Variants in DENND1A observed in about 807,000 individuals in gnomAD.
DENND1A encodes DENN domain-containing protein 1A.
DENND1A carries 51 observed loss-of-function variants against 113.7 expected under a neutral mutation model. The observed-to-expected ratio is 0.45, with a 90% CI of 0.36 to 0.57. DENND1A has a LOEUF of 0.57. DENND1A is among the 20% of genes least tolerant of loss of function. DENND1A has a pLI of 0.00. For missense variants in DENND1A, 1,258 were observed against 1,395.9 expected, an observed-to-expected ratio of 0.90 and a Z score of 1.57; for synonymous variants, 565 against 570.8, an observed-to-expected ratio of 0.99 and a Z score of 0.14.
chr9:123,426,797 G>A (rs2045766939), intron 19 of DENND1A, among the ~76,000 whole-genome samples: 1 of 152,160 alleles, frequency 6.6e-6, no homozygotes, highest in Non-Finnish European at 1.5e-5. Flanking sequence ...AAGCAAGTGG[G>A]GACGCCTGGA....
intron 19 of DENND1A, among the ~76,000 whole-genome samples, chr9:123,424,103 T>C (rs1440772843): frequency 6.6e-6 from 1 of 152,126 alleles, no homozygotes; most frequent in Non-Finnish European, 1.5e-5. Context: ...AGGTGGTTGG[T>C]AGACAGCCCT....
rs537975986 is a variant in DENND1A, at chr9:123,388,359, C to T, written c.1632-501G>A. Among the ~76,000 whole-genome samples the T allele has an allele frequency of 3.1e-4, 47 of 152,256 alleles. 1 individual carries two copies. The highest frequency in any genetic ancestry group is 2.1e-3 in the South Asian group (10 of 4,830). Reference sequence around the variant, plus strand: ...AAGACTGGAAAGGTTCATGGCTAAACGTCAATAACAGCCAGTGGAATCATG... The same window carrying T: ...AAGACTGGAAAGGTTCATGGCTAAATGTCAATAACAGCCAGTGGAATCATG... On this transcript the variant is annotated intron_variant, in intron 21 of 23. Coordinates refer to ENST00000394215, the MANE Select transcript of DENND1A (RefSeq NM_001352964.2).
intron 13 of DENND1A, among the ~76,000 whole-genome samples, chr9:123,525,535 C>T (rs2054757466): frequency 6.6e-6 from 1 of 152,112 alleles, no homozygotes; most frequent in South Asian, 2.1e-4. Flanking sequence ...ACAGCTTTAA[C>T]CGGATCCGTT....
intron 2 of DENND1A, among the ~76,000 whole-genome samples, chr9:123,871,576 C>T (rs1403981075): frequency 6.6e-6 from 1 of 152,082 alleles, no homozygotes; most frequent in Non-Finnish European, 1.5e-5. Context: ...CATGATACTG[C>T]TAATATAGAA....
intron 19 of DENND1A, among the ~76,000 whole-genome samples, chr9:123,425,419 T>C (rs3924101): frequency 0.54 from 81,527 of 152,208 alleles, 21,859 homozygotes; most frequent in Middle Eastern, 0.65. Context: ...GGATCCTGTC[T>C]CTCACAACCT....
chr9:123,563,894 A>G (rs10986056), intron 12 of DENND1A, among the ~76,000 whole-genome samples: 1 of 152,308 alleles, frequency 6.6e-6, no homozygotes, highest in East Asian at 1.9e-4. Flanking sequence ...ATTCTCTAAC[A>G]AACTTTTTAT....
intron 6 of DENND1A, among the ~76,000 whole-genome samples, chr9:123,672,841 A>G (rs2063832826): frequency 6.6e-6 from 1 of 152,224 alleles, no homozygotes; most frequent in Non-Finnish European, 1.5e-5. Flanking sequence ...CTGTTATAGC[A>G]GCAGAAAACA....
chr9:123,497,471 C>A (rs760831622), intron 13 of DENND1A, among the ~76,000 whole-genome samples: 29 of 152,116 alleles, frequency 1.9e-4, no homozygotes, highest in Non-Finnish European at 3.5e-4. Flanking sequence ...ATGCACAACA[C>A]CATGTCCAGC....
At chr9:123,586,275 C>T (rs757362255) in intron 11 of DENND1A, among the ~76,000 whole-genome samples, 46 of 152,276 alleles carry the variant, frequency 3.0e-4, no homozygotes, top group Non-Finnish European at 5.4e-4. Flanking sequence ...GATGTTGATT[C>T]TGGACCAGAA....
chr9:123,652,156 G>T, intron 8 of DENND1A, 33 bp from the exon 9 acceptor site: 1 of 1,557,718 alleles, frequency 6.4e-7, no homozygotes, highest in Non-Finnish European at 8.8e-7. Flanking sequence ...GTTTGTGGCT[G>T]ATTTTCTTTG....
At chr9:123,711,505 G>GTGTATATATATA (rs1554970624) in intron 5 of DENND1A, among the ~76,000 whole-genome samples, 23 of 62,550 alleles carry the variant, frequency 3.7e-4, no homozygotes, top group Middle Eastern at 6.0e-3. Context: ...ATATATATAT[G>GTGTATATATATA]TATATATGTA....
intron 1 of DENND1A, among the ~76,000 whole-genome samples, chr9:123,908,781 T>C (rs1317767381): frequency 6.6e-6 from 1 of 152,128 alleles, no homozygotes; most frequent in Non-Finnish European, 1.5e-5. Context: ...ATTGTGGAAG[T>C]CAGTGTGGAG....
At chr9:123,856,208 G>A (rs1429258844) in intron 2 of DENND1A, among the ~76,000 whole-genome samples, 1 of 152,134 alleles carries the variant, frequency 6.6e-6, no homozygotes, top group Non-Finnish European at 1.5e-5. Context: ...TTAAGTCGAG[G>A]TACACGTCCA....
intron 3 of DENND1A, among the ~76,000 whole-genome samples, chr9:123,781,095 T>A (rs1014659522): frequency 1.3e-5 from 2 of 152,214 alleles, no homozygotes; most frequent in Non-Finnish European, 2.9e-5. Flanking sequence ...TTTTGTGCAG[T>A]ACTAGCCCTC....
rs779643425 is a variant in DENND1A at position 123,381,898 on chromosome 9, A to G, written c.2747T>C (p.Phe916Ser). ...CCCCAGGGAAGCTGGAGGGGCCCCG[A>G]AAGGCCCGGCTGGTGTGGAGACCAG... ...LPLVSTPAGP[F>S]GAPPASLGPA... The change falls in exon 24 of 24, where the codon TTC becomes TCC. Residue 916 changes from phenylalanine (F) to serine (S), a missense_variant. By Grantham distance (155) the Phe-to-Ser change is radical (BLOSUM62 -2). Around this residue, in one of 2 missense-constraint regions of DENND1A, gnomAD observed 1,159 missense variants for 1,231.7 expected, o/e 0.94. Coordinates refer to ENST00000394215, the MANE Select transcript of DENND1A (RefSeq NM_001352964.2). The surrounding 1 kb of genome is among the most constrained non-coding windows in gnomAD (Gnocchi z 4.7). 2.4e-6 allele frequency: 3 copies of G among 1,267,836 alleles called. No individual in the cohort carries two copies. In the East Asian group the frequency reaches 1.3e-4, roughly 54 times the overall value. The allele number at this position is 1,267,836 out of a possible 1,614,324, so 78.5% of individuals were successfully genotyped here.
At chr9:123,830,815 G>A (rs764456054) in intron 2 of DENND1A, among the ~76,000 whole-genome samples, 15 of 133,890 alleles carry the variant, frequency 1.1e-4, no homozygotes, top group East Asian at 2.5e-4. Context: ...GCAGCGAGCC[G>A]AGATCATCCC....
chr9:123,705,888 A>T (rs2066162438), intron 5 of DENND1A, among the ~76,000 whole-genome samples: 1 of 152,210 alleles, frequency 6.6e-6, no homozygotes, highest in Admixed American at 6.5e-5. Flanking sequence ...AACTAGATAG[A>T]TATTAAGACC....
At chr9:123,457,270 G>C in intron 15 of DENND1A, 78 bp downstream of exon 15, 1 of 1,114,748 alleles carries the variant, frequency 9.0e-7, no homozygotes, top group Non-Finnish European at 1.4e-6. Flanking sequence ...GGAAAAGCAA[G>C]TCACTGCCAC....
intron 10 of DENND1A, among the ~76,000 whole-genome samples, chr9:123,618,024 C>T (rs2060744153): frequency 6.6e-6 from 1 of 152,232 alleles, no homozygotes; most frequent in African/African-American, 2.4e-5. Flanking sequence ...TGCATAGCAT[C>T]CAATTACCTT....
Sources: gnomAD v4.1 joint callset for allele counts (sites outside exome capture counted in the v4.1 genomes callset) on GRCh38, gnomAD v4.1.1 for gene constraint, gnomAD v4.1.1 regional missense constraint, Gnocchi (gnomAD v3.1) non-coding constraint, MANE v1.5 for transcripts, NCBI Gene and HGNC (gene_info 2026-07-23, HGNC 2026-07-21) for gene names.